Variants in ASPRV1 observed in about 807,000 individuals in gnomAD.
ASPRV1 encodes the protein aspartic peptidase retroviral like 1.
A neutral mutation model predicts 11.0 loss-of-function variants in ASPRV1; 7 were observed. The observed-to-expected ratio is 0.64, with a 90% CI of 0.36 to 1.20. The LOEUF is 1.20. Ranked by LOEUF, ASPRV1 falls within the 50% of genes most tolerant of loss-of-function variation. The pLI is 0.02. For missense variants in ASPRV1, 299 were observed against 320.0 expected, an observed-to-expected ratio of 0.93 and a Z score of 0.50; for synonymous variants, 136 against 138.4, an observed-to-expected ratio of 0.98 and a Z score of 0.12.
At chr2:69,984,584 G>C in the ASPRV1 span, among the ~76,000 whole-genome samples, 139 of 136,064 alleles carry the variant, frequency 1.0e-3, no homozygotes, top group African/African-American at 3.5e-3. Context: ...ACACTTAAAA[G>C]AGATAGAAAG....
chr2:69,955,833 G>C (rs915427216), downstream of ASPRV1, among the ~76,000 whole-genome samples: 1 of 152,178 alleles, frequency 6.6e-6, no homozygotes, highest in African/African-American at 2.4e-5. Context: ...ACTCATAATA[G>C]AGAGAGGGAG....
the ASPRV1 span, among the ~76,000 whole-genome samples, chr2:70,005,976 A>G: frequency 6.6e-6 from 1 of 152,182 alleles, no homozygotes; most frequent in Non-Finnish European, 1.5e-5. Flanking sequence ...GGGTTTCTCA[A>G]TGTTAGCACT....
At chr2:70,068,176 AT>A in the ASPRV1 span, among the ~76,000 whole-genome samples, 1 of 152,252 alleles carries the variant, frequency 6.6e-6, no homozygotes, top group Non-Finnish European at 1.5e-5. Context: ...GGAAATGGGT[AT>A]AGATGCCAGC....
chr2:69,978,475 G>C, the ASPRV1 span, among the ~76,000 whole-genome samples: 2 of 152,280 alleles, frequency 1.3e-5, no homozygotes, highest in East Asian at 3.9e-4. Context: ...AAATGAAAAC[G>C]ACAGGCCCAG....
At chr2:70,048,034 G>A in the ASPRV1 span, among the ~76,000 whole-genome samples, 6 of 141,638 alleles carry the variant, frequency 4.2e-5, no homozygotes, top group East Asian at 2.1e-4. Context: ...GCTTAAATCC[G>A]GGAGGCAGAG....
At chr2:70,052,557 G>T in the ASPRV1 span, among the ~76,000 whole-genome samples, 2 of 152,224 alleles carry the variant, frequency 1.3e-5, no homozygotes, top group East Asian at 1.9e-4. Context: ...CCCATTCACT[G>T]ATCCTCCTCC....
At chr2:70,020,129 T>G in the ASPRV1 span, among the ~76,000 whole-genome samples, 4 of 152,026 alleles carry the variant, frequency 2.6e-5, no homozygotes, top group African/African-American at 9.7e-5. Flanking sequence ...GAACCCCTCA[T>G]GTAGAGTTAC....
At chr2:69,965,429 G>A (rs1678305468), upstream of ASPRV1, among the ~76,000 whole-genome samples, 1 of 151,768 alleles carries the variant, frequency 6.6e-6, no homozygotes, top group Non-Finnish European at 1.5e-5. Flanking sequence ...TAACACTAAC[G>A]ATAGCTGGTG....
chr2:70,075,654 C>A, the ASPRV1 span, among the ~76,000 whole-genome samples: 2 of 152,008 alleles, frequency 1.3e-5, no homozygotes, highest in African/African-American at 4.8e-5. Flanking sequence ...CAAGACCAGC[C>A]TGAGGAACAT....
chr2:69,963,401 G>C (rs1316559478), upstream of ASPRV1: 1 of 456,726 alleles, frequency 2.2e-6, no homozygotes, highest in Non-Finnish European at 4.4e-6. Context: ...TTTGCAGATA[G>C]CTTCCCAGCT....
the ASPRV1 span, among the ~76,000 whole-genome samples, chr2:70,044,088 G>C: frequency 2.0e-5 from 3 of 152,186 alleles, no homozygotes; most frequent in African/African-American, 7.2e-5. Flanking sequence ...CCCTTCCTCA[G>C]TCTGGTTCTC....
chr2:70,033,465 C>T, the ASPRV1 span, among the ~76,000 whole-genome samples: 3 of 152,132 alleles, frequency 2.0e-5, no homozygotes, highest in South Asian at 2.1e-4. Flanking sequence ...AGAGAAATCC[C>T]CCTTACATTA....
the ASPRV1 span, among the ~76,000 whole-genome samples, chr2:70,003,480 G>A: frequency 6.6e-6 from 1 of 152,206 alleles, no homozygotes; most frequent in Non-Finnish European, 1.5e-5. Flanking sequence ...TGAGTCCCCT[G>A]AGCACTCTCT....
At chr2:70,037,226 C>A in the ASPRV1 span, among the ~76,000 whole-genome samples, 1,941 of 152,290 alleles carry the variant, frequency 0.013, 48 homozygotes, top group African/African-American at 0.045. Flanking sequence ...GATAGGTAAC[C>A]TTCCAATTTT....
At chr2:70,048,386 A>C in the ASPRV1 span, among the ~76,000 whole-genome samples, 1 of 151,766 alleles carries the variant, frequency 6.6e-6, no homozygotes, top group South Asian at 2.1e-4. Flanking sequence ...CTGCACTCCA[A>C]CCTGGGGGAC....
chr2:70,068,653 G>A, the ASPRV1 span, among the ~76,000 whole-genome samples: 2 of 152,028 alleles, frequency 1.3e-5, no homozygotes, highest in Non-Finnish European at 2.9e-5. Context: ...CCTTCAGCCA[G>A]GCACAGTGGC....
At chr2:69,955,902 G>A (rs1677927219), downstream of ASPRV1, among the ~76,000 whole-genome samples, 1 of 152,082 alleles carries the variant, frequency 6.6e-6, no homozygotes, top group African/African-American at 2.4e-5. Flanking sequence ...ACCACTGAGA[G>A]GTCCTAGGAG....
At chr2:69,958,689 G>A (rs761747199), downstream of ASPRV1, among the ~76,000 whole-genome samples, 1 of 152,156 alleles carries the variant, frequency 6.6e-6, no homozygotes, top group Non-Finnish European at 1.5e-5. Flanking sequence ...CTCGGGAGAG[G>A]GCTCGGCCCA....
chr2:70,007,912 T>A, the ASPRV1 span, among the ~76,000 whole-genome samples: 1 of 152,188 alleles, frequency 6.6e-6, no homozygotes, highest in Non-Finnish European at 1.5e-5. Context: ...CTCAGCTCAC[T>A]GCAACCTCTG....
Sources: allele counts gnomAD v4.1 joint callset (sites outside exome capture counted in the v4.1 genomes callset), GRCh38; gene constraint gnomAD v4.1.1; transcripts MANE v1.5; gene names NCBI Gene and HGNC (gene_info 2026-07-23, HGNC 2026-07-21).